The following PER1 variants were observed in gnomAD, a reference collection of about 807,000 sequenced individuals.
The protein encoded by PER1 is period circadian regulator 1.
Under a neutral mutation model 125.9 loss-of-function variants are expected in PER1, and 87 were observed. The observed-to-expected ratio is 0.69, with a 90% confidence interval of 0.58 to 0.83. PER1 has a LOEUF of 0.83. Ranked by LOEUF, PER1 falls within the 40% of genes least tolerant of loss-of-function variation. PER1 has a pLI of 0.00. For missense variants in PER1, 1,775 were observed against 1,722.8 expected (o/e 1.03, Z -0.54); for synonymous variants, 801 against 714.7 (o/e 1.12, Z -1.93).
chr17:8,141,228 T>G lies in PER1; in HGVS notation c.3713A>C (p.Gln1238Pro). ...LEPMEEGGGE[Q>P]GSSGGGSGEG... The stretch of plus-strand genomic sequence containing the variant: ...ACCACTGCCGCCACCGCTGCTGCCC[T>G]GCTCGCCTCCACCCTCTTCCATGGG... The change falls in exon 23 of 23, where the codon CAG becomes CCG. Residue 1238 changes from glutamine to proline, a missense_variant. By Grantham distance (76) the Gln-to-Pro change is moderately conservative. Coordinates refer to ENST00000317276, the MANE Select transcript of PER1 (RefSeq NM_002616.3). 6.2e-7 allele frequency: 1 copy of G among 1,614,196 alleles called. No individual in the cohort carries two copies. Among genetic ancestry groups the G allele is most frequent in the Non-Finnish European group, 8.5e-7 (1 of 1,180,022 alleles).
At chr17:8,147,417 C>A in intron 12 of PER1, 36 bp from the exon 13 acceptor site, 2 of 1,613,024 alleles carry the variant, frequency 1.2e-6, no homozygotes, top group Non-Finnish European at 1.7e-6. Context: ...ATGGCTTGAC[C>A]CGGCTTCCCA....
chr17:8,143,147 C>T, intron 19 of PER1, 119 bp downstream of exon 19: 1 of 740,346 alleles, frequency 1.4e-6, no homozygotes, highest in Non-Finnish European at 2.1e-6. Flanking sequence ...CAGCTGGGGA[C>T]TCCCTCCACC....
intron 18 of PER1, 117 bp downstream of exon 18, chr17:8,144,634 T>C (rs1410535120): frequency 2.2e-6 from 3 of 1,380,008 alleles, no homozygotes; most frequent in Non-Finnish European, 3.0e-6. Flanking sequence ...GGCCTAGTGG[T>C]GGAAGCAACA....
At chr17:8,151,450 G>A (rs1174077932) in intron 1 of PER1, among the ~76,000 whole-genome samples, 1 of 152,090 alleles carries the variant, frequency 6.6e-6, no homozygotes, top group Non-Finnish European at 1.5e-5. Flanking sequence ...CGGCCGGGGG[G>A]GTCACGCATC....
In PER1 at chr17:8,144,957, G is replaced by A; in HGVS notation, c.2255C>T (p.Pro752Leu). Residue 752 changes from proline to leucine, a missense_variant, in exon 18 of 23, where the codon CCA becomes CTA. By Grantham distance (98) the Pro-to-Leu change is moderately conservative (BLOSUM62 -3). Coordinates refer to ENST00000317276, the MANE Select transcript of PER1 (RefSeq NM_002616.3). Reference protein sequence around the residue: ...IMMEDLPGLAPGPAPSPAPSP... With the variant: ...IMMEDLPGLALGPAPSPAPSP... ...GGGGGCTGGGCTGGGGGCTGGGCCT[G>A]GGGCTAGGCCAGGCAGGTCCTCCAT... The A allele has an allele frequency of 6.6e-7, 1 of 1,509,916 alleles. No individual in the cohort carries two copies. The highest frequency in any genetic ancestry group is 8.8e-7 in the Non-Finnish European group (1 of 1,130,112). 93.5% of individuals were successfully genotyped at this position (1,509,916 alleles called of 1,614,324 possible). A position where few individuals can be genotyped will look rare whatever the true frequency, so the allele number is the denominator to read the frequency against.
chr17:8,143,779 G>A lies in PER1; in HGVS notation c.2559C>T (p.Pro853=), dbSNP rs1982248529. 1 of 1,606,508 alleles carries A rather than the reference G, an allele frequency of 6.2e-7. No homozygotes were observed. The highest frequency in any genetic ancestry group is 1.7e-5 in the Admixed American group (1 of 59,420). ...CGGGTGAGGGGTGTGAGACATAGCA[G>A]GGCGCTTCAGCCCGAGGGTTCTGGT... The part of the protein sequence containing the change: ...RHHQNPRAEA[P]CYVSHPSPVP... The change falls in exon 19 of 23, where the codon CCC becomes CCT. Residue 853 remains proline, a synonymous_variant. Coordinates refer to ENST00000317276, the MANE Select transcript of PER1 (RefSeq NM_002616.3).
chr17:8,152,186 C>T (rs1162705163), intron 1 of PER1, among the ~76,000 whole-genome samples, 151 bp downstream of exon 1: 2 of 152,108 alleles, frequency 1.3e-5, no homozygotes, highest in African/African-American at 2.4e-5. Flanking sequence ...TCGAGGAGGA[C>T]TTCGGTCCTT....
chr17:8,149,653 G>T lies in PER1; in HGVS notation c.662C>A (p.Ser221Ter). 1 of 1,610,290 alleles carries T rather than the reference G, an allele frequency of 6.2e-7. No individual in the cohort carries two copies. The highest frequency in any genetic ancestry group is 8.5e-7 in the Non-Finnish European group (1 of 1,176,682). Residue 221 changes from serine to a stop codon, truncating the protein, a stop_gained, in exon 6 of 23, where the codon TCA (serine) becomes TAA (stop). Transcript: ENST00000317276. LOFTEE classifies it high-confidence loss of function. ...GCCCGTCAGGAAGGAGACAGCCACT[G>T]AGAAGGTATCCTGGCAGGAGGGGGA... ...EYTLQNQDTF[S>*]VAVSFLTGRI...
In PER1 at chr17:8,149,562, AC is replaced by A; in HGVS notation, c.752del (p.Gly251ValfsTer68). 6.2e-7 allele frequency: 1 copy of A among 1,613,854 alleles called. No homozygotes were observed. The highest frequency in any genetic ancestry group is 8.5e-7 in the Non-Finnish European group (1 of 1,179,938). Reference protein sequence around the residue: ...LLRCKRDVFRGTRFSELLAPQ... With the variant: ...LLRCKRDVFRXTRFSELLAPQ... Reference sequence around the variant, plus strand: ...GAGCCAGGAGCTCAGAGAAGCGGGTACCCCGGAACACGTCCCGCTTGCAACG... The same window carrying A: ...GAGCCAGGAGCTCAGAGAAGCGGGTACCCGGAACACGTCCCGCTTGCAACG... On this transcript the variant is annotated frameshift_variant, in exon 6 of 23. Transcript: ENST00000317276. LOFTEE classifies it high-confidence loss of function.
At chr17:8,147,094 G>A in intron 13 of PER1, 92 bp from the exon 14 acceptor site, 1 of 1,394,542 alleles carries the variant, frequency 7.2e-7, no homozygotes, top group South Asian at 1.2e-5. Context: ...TACCAGTGGG[G>A]AGGCACAGAC....
rs1382603695 is a variant in PER1 at position 8,147,709 on chromosome 17, C to T, written c.1353G>A (p.Lys451=). 6.2e-7 allele frequency: 1 copy of T among 1,614,100 alleles called. No homozygotes were observed. The highest frequency in any genetic ancestry group is 8.5e-7 in the Non-Finnish European group (1 of 1,180,026). ...TGTGGCGGCCCAACACGAAGGCTAC[C>T]TTGCGGCTCCAGGGGTGCACAAAGC... The part of the protein sequence containing the change: ...WAGFVHPWSR[K]VAFVLGRHKV... Residue 451 remains lysine (K), a synonymous_variant, in exon 11 of 23, where the codon AAG becomes AAA. Coordinates refer to ENST00000317276, the MANE Select transcript of PER1 (RefSeq NM_002616.3).
rs1041985195 is a variant in PER1 at position 8,150,039 on chromosome 17, C to T, written c.461G>A (p.Arg154Gln). 1.4e-5 allele frequency: 22 copies of T among 1,614,040 alleles called. No homozygotes were observed. The highest frequency in any genetic ancestry group is 6.7e-5 in the East Asian group (3 of 44,886). Reference protein sequence around the residue: ...ELKLRLPPERRGKGRSGTLAT... With the variant: ...ELKLRLPPERQGKGRSGTLAT... ...CAGGGTCCCAGAGCGGCCCTTGCCC[C>T]GGCGCTCTGGCGGCAGTCGAAGCTT... The change falls in exon 4 of 23, where the codon CGG (arginine) becomes CAG (glutamine). Residue 154 changes from arginine to glutamine, a missense_variant. By Grantham distance (43) the Arg-to-Gln change is conservative. Transcript: ENST00000317276.
In PER1 at chr17:8,144,931, T is replaced by G. The variant is rs1982330253; in HGVS notation, c.2281A>C (p.Ser761Arg). The G allele has an allele frequency of 4.1e-5, 62 of 1,516,226 alleles. No homozygotes were observed. Among genetic ancestry groups the G allele is most frequent in the Non-Finnish European group, 5.5e-5 (62 of 1,129,122 alleles). The allele number at this position is 1,516,226 out of a possible 1,614,324, so 93.9% of individuals were successfully genotyped here. A position where few individuals can be genotyped will look rare whatever the true frequency, so the allele number is the denominator to read the frequency against. The change falls in exon 18 of 23, where the codon AGC (serine) becomes CGC (arginine). Residue 761 changes from serine (S) to arginine (R), a missense_variant. Coordinates refer to ENST00000317276, the MANE Select transcript of PER1 (RefSeq NM_002616.3). ...GCTGGGTCAGGGGCTACTGTGGGGC[T>G]GGGGGCTGGGCTGGGGGCTGGGCCT... ...APGPAPSPAPSPTVAPDPAPD... is the reference protein window; with the variant it reads ...APGPAPSPAPRPTVAPDPAPD...
Position 8,146,742 on chromosome 17 carries a change from C to T in PER1, c.1759G>A (p.Ala587Thr), listed in dbSNP as rs367828864. 5.0e-5 allele frequency: 81 copies of T among 1,613,316 alleles called. No homozygotes were observed. The highest frequency in any genetic ancestry group is 6.5e-5 in the Non-Finnish European group (77 of 1,179,790). Residue 587 changes from alanine to threonine, a missense_variant, in exon 15 of 23, where the codon GCC becomes ACC. Physicochemically the swap from Ala to Thr is moderately conservative, Grantham distance 58. Transcript: ENST00000317276. ...LPATGTFKAK[A>T]LPCQSPDPEL... ...GGGTCTGGGGATTGGCAGGGAAGGGCCTTGGCCTTGAACGTGCCTGTAGCT... is the reference window on the plus strand; with the variant it reads ...GGGTCTGGGGATTGGCAGGGAAGGGTCTTGGCCTTGAACGTGCCTGTAGCT...
rs762638002 is a variant in PER1 at position 8,150,821 on chromosome 17, T to C, written c.-115A>G. On this transcript the variant is annotated 5_prime_UTR_variant, in exon 2 of 23. Transcript: ENST00000317276. The stretch of plus-strand genomic sequence containing the variant: ...GTGGAAGATCTAAGTCTCTGAGGGT[T>C]GAGAAGTTCGATCACAGCCAGTACC... 1 of 1,012,862 alleles carries C rather than the reference T, an allele frequency of 9.9e-7. No individual in the cohort carries two copies. Among genetic ancestry groups the C allele is most frequent in the Non-Finnish European group, 1.4e-6 (1 of 709,428 alleles). 62.7% of individuals were successfully genotyped at this position (1,012,862 alleles called of 1,614,324 possible). A position where few individuals can be genotyped will look rare whatever the true frequency, so the allele number is the denominator to read the frequency against.
chr17:8,146,968 A>C lies in PER1; in HGVS notation c.1664T>G (p.Leu555Arg). Residue 555 changes from leucine (L) to arginine (R), a missense_variant, in exon 14 of 23, where the codon CTG becomes CGG. Physicochemically the swap from Leu to Arg is moderately radical, Grantham distance 102 (BLOSUM62 -2). Transcript: ENST00000317276. Reference sequence around the variant, plus strand: ...AAGCTGCTGGCCCTGGTGCTTCACCAGATGCACATCCTTACAGATCTGCTG... The same window carrying C: ...AAGCTGCTGGCCCTGGTGCTTCACCCGATGCACATCCTTACAGATCTGCTG... ...TFQQICKDVH[L>R]VKHQGQQLFI... 1 of 1,614,032 alleles carries C rather than the reference A, an allele frequency of 6.2e-7. No homozygotes were observed. The highest frequency in any genetic ancestry group is 1.1e-5 in the South Asian group (1 of 91,082).
intron 1 of PER1, among the ~76,000 whole-genome samples, 177 bp downstream of exon 1, chr17:8,152,160 C>T (rs925908508): frequency 1.3e-5 from 2 of 152,184 alleles, no homozygotes; most frequent in Non-Finnish European, 1.5e-5. Context: ...GGAGTGCAGA[C>T]TCCCGGTGCA....
intron 22 of PER1, 46 bp from the exon 23 acceptor site, chr17:8,141,386 T>G: frequency 6.5e-7 from 1 of 1,544,624 alleles, no homozygotes; most frequent in Non-Finnish European, 8.7e-7. Flanking sequence ...GGGTTCTCAC[T>G]GCTAACCTGC....
rs549960420 is a variant in PER1 at position 8,147,422 on chromosome 17, T to C, written c.1498-41A>G. The C allele has an allele frequency of 1.9e-6, 3 of 1,612,768 alleles. No homozygotes were observed. In the South Asian group the frequency reaches 3.3e-5, roughly 18 times the overall value. ...GGCAGGTTAGATGGCTTGACCCGGC[T>C]TCCCACACCTTTTCTCACCTCCCAG... On this transcript the variant is annotated intron_variant, in intron 12 of 22. Transcript: ENST00000317276.
Sources: gnomAD v4.1 joint callset for allele counts (sites outside exome capture counted in the v4.1 genomes callset) on GRCh38, gnomAD v4.1.1 for gene constraint, MANE v1.5 for transcripts, NCBI Gene and HGNC (gene_info 2026-07-23, HGNC 2026-07-21) for gene names.